Variants in MYH10 observed in about 807,000 individuals in gnomAD.
The protein encoded by MYH10 is myosin heavy chain 10.
In MYH10, 55 loss-of-function variants were observed where a neutral mutation model predicts 257.8. The observed-to-expected ratio is 0.21, with a 90% CI of 0.17 to 0.27. The LOEUF is 0.27. Ranked by LOEUF, MYH10 falls within the 10% of genes least tolerant of loss-of-function variation. The pLI, the probability that MYH10 is intolerant of heterozygous loss-of-function variation, is 1.00. For synonymous variants in MYH10, 854 were observed against 921.7 expected, an observed-to-expected ratio of 0.93 and a Z score of 1.33; for missense variants, 1,631 against 2,500.6, an observed-to-expected ratio of 0.65 and a Z score of 7.42.
chr17:8,544,855 T>G (rs1451169146), intron 13 of MYH10, among the ~76,000 whole-genome samples: 1 of 152,172 alleles, frequency 6.6e-6, no homozygotes, highest in Non-Finnish European at 1.5e-5. Context: ...TGAAATCTAT[T>G]GTTAAACCCT....
chr17:8,557,207 TA>T (rs1367673259), intron 7 of MYH10, among the ~76,000 whole-genome samples: 1 of 152,112 alleles, frequency 6.6e-6, no homozygotes, highest in Admixed American at 6.5e-5. Context: ...TAGTTGATTT[TA>T]AAAAAAGAAA....
chr17:8,502,732 T>A (rs748983197), intron 28 of MYH10, among the ~76,000 whole-genome samples: 1 of 152,166 alleles, frequency 6.6e-6, no homozygotes, highest in East Asian at 1.9e-4. Flanking sequence ...ATGGAGGACA[T>A]GTCTGAGCTG....
intron 14 of MYH10, among the ~76,000 whole-genome samples, chr17:8,539,017 G>A (rs987676323): frequency 6.6e-6 from 1 of 152,016 alleles, no homozygotes; most frequent in African/African-American, 2.4e-5. Flanking sequence ...TCATGAGAGC[G>A]GGTCTGTCAT....
At chr17:8,534,738 A>G (rs1340266041) in intron 16 of MYH10, among the ~76,000 whole-genome samples, 1 of 152,260 alleles carries the variant, frequency 6.6e-6, no homozygotes, top group East Asian at 1.9e-4. Flanking sequence ...GGTGGAACAG[A>G]GCCAGGATGA....
chr17:8,613,803 T>TA (rs1382068539), intron 2 of MYH10, among the ~76,000 whole-genome samples: 1 of 151,888 alleles, frequency 6.6e-6, no homozygotes, highest in Admixed American at 6.6e-5. Context: ...ATAACCACCA[T>TA]AAGCAGTTTA....
At chr17:8,510,040 A>AT (rs35193113) in intron 24 of MYH10, 91 bp from the exon 25 acceptor site, 78,201 of 882,060 alleles carry the variant, frequency 0.089, 472 homozygotes, top group African/African-American at 0.14. Flanking sequence ...TGAGATACTA[A>AT]TTTTTTTTTT....
At chr17:8,581,748 C>CA (rs1337847734) in intron 4 of MYH10, among the ~76,000 whole-genome samples, 1 of 152,184 alleles carries the variant, frequency 6.6e-6, no homozygotes, top group East Asian at 1.9e-4. Context: ...AGATGACATT[C>CA]AATAAACATT....
At chr17:8,610,274 A>AAAAAAAAAAAAAAAAC (rs2084980484) in intron 2 of MYH10, among the ~76,000 whole-genome samples, 1 of 141,238 alleles carries the variant, frequency 7.1e-6, no homozygotes, top group Non-Finnish European at 1.5e-5. Context: ...AGGATTGCAA[A>AAAAAAAAAAAAAAAAC]AAAAAAAAAA....
intron 7 of MYH10, among the ~76,000 whole-genome samples, chr17:8,562,414 TAATA>T (rs1361595931): frequency 3.9e-5 from 6 of 152,252 alleles, no homozygotes; most frequent in Non-Finnish European, 8.8e-5. Flanking sequence ...CTCACATCTA[TAATA>T]AATACTTTCA....
Position 8,558,880 on chromosome 17 carries a change from T to C in MYH10, c.757-4862A>G, listed in dbSNP as rs146796976. Among the ~76,000 whole-genome samples, 27 of 152,348 alleles carry C rather than the reference T, an allele frequency of 1.8e-4. No homozygotes were observed. The South Asian group carries it at 3.9e-3, about 22-fold the overall frequency. ...TATTATCTATTTCCTTCTAACAATT[T>C]TCACATACACACCTGCTTTCTGCAT... is the stretch of plus-strand genomic sequence containing the variant. On this transcript the variant is annotated intron_variant, in intron 7 of 42. Coordinates refer to ENST00000360416, the MANE Select transcript of MYH10 (RefSeq NM_001256012.3).
rs1454985045 is a variant in MYH10, at chr17:8,630,049, T to C, written c.-32+605A>G. Among the ~76,000 whole-genome samples, 3 of 151,508 alleles carry C rather than the reference T, an allele frequency of 2.0e-5. No homozygotes were observed. The East Asian group carries it at 5.9e-4, about 30-fold the overall frequency. Reference sequence around the variant, plus strand: ...GCCTTCCAAGCCCATGGTGAACCCCTCTGGTGCTGCGGGGGACCGGTCGCG... The same window carrying C: ...GCCTTCCAAGCCCATGGTGAACCCCCCTGGTGCTGCGGGGGACCGGTCGCG... On this transcript the variant is annotated intron_variant, in intron 1 of 42. Transcript: ENST00000360416.
chr17:8,476,382 C>T (rs1309371956), intron 42 of MYH10, among the ~76,000 whole-genome samples: 1 of 152,176 alleles, frequency 6.6e-6, no homozygotes, highest in East Asian at 1.9e-4. Flanking sequence ...AGGGTATGCA[C>T]CAAATCTGCC....
intron 16 of MYH10, among the ~76,000 whole-genome samples, chr17:8,534,447 T>C (rs901479194): frequency 2.6e-5 from 4 of 152,212 alleles, no homozygotes; most frequent in African/African-American, 9.7e-5. Context: ...GATGATCTTT[T>C]ATAGGGTCAC....
intron 21 of MYH10, among the ~76,000 whole-genome samples, chr17:8,518,018 T>A (rs2081524510): frequency 1.2e-5 from 1 of 84,164 alleles, no homozygotes; most frequent in African/African-American, 4.3e-5. Context: ...CCCATACCCC[T>A]TGGCCCCGTG....
intron 17 of MYH10, 82 bp from the exon 18 acceptor site, chr17:8,521,367 C>A: frequency 1.4e-6 from 2 of 1,421,582 alleles, no homozygotes; most frequent in South Asian, 1.2e-5. Context: ...GAAAGTGCAG[C>A]AGCACAAGCT....
In MYH10 at chr17:8,519,253, A is replaced by C. The variant is rs554668570; in HGVS notation, c.2274-303T>G. ...CTTTCATTTTTCTTCATGTCCCATA[A>C]AATGTTCATATCCTTAAGACGCAAA... is the stretch of plus-strand genomic sequence containing the variant. On this transcript the variant is annotated intron_variant, in intron 19 of 42. Transcript: ENST00000360416. 2.6e-5 allele frequency among the ~76,000 whole-genome samples: 4 copies of C among 152,324 alleles called. No individual in the cohort carries two copies. In the South Asian group the frequency reaches 8.3e-4, roughly 32 times the overall value.
chr17:8,476,658 T>C (rs1042993956), intron 42 of MYH10, among the ~76,000 whole-genome samples: 1 of 152,202 alleles, frequency 6.6e-6, no homozygotes, highest in South Asian at 2.1e-4. Flanking sequence ...GGTGGATTAG[T>C]GTGGTCCTCT....
chr17:8,498,766 T>A (rs1037786828), intron 30 of MYH10, among the ~76,000 whole-genome samples: 1 of 151,576 alleles, frequency 6.6e-6, no homozygotes, highest in African/African-American at 2.4e-5. Flanking sequence ...GAGAATAGTG[T>A]GAACCCGGGA....
At chr17:8,608,309 C>T (rs570567848) in intron 2 of MYH10, among the ~76,000 whole-genome samples, 3 of 152,312 alleles carry the variant, frequency 2.0e-5, no homozygotes, top group East Asian at 1.9e-4. Flanking sequence ...GACTGCTCAA[C>T]GGTCCTTGGC....
Sources: allele counts gnomAD v4.1 joint callset (sites outside exome capture counted in the v4.1 genomes callset), GRCh38; gene constraint gnomAD v4.1.1; transcripts MANE v1.5; gene names NCBI Gene and HGNC (gene_info 2026-07-23, HGNC 2026-07-21).